THUMPD2: variants seen among roughly 807,000 people sequenced by gnomAD.
THUMPD2 encodes the protein U6 snRNA (guanine-N(2))-methyltransferase THUMPD2.
In THUMPD2, 56 loss-of-function variants were observed where a neutral mutation model predicts 49.4. That is an observed-to-expected ratio of 1.13 (90% CI 0.91 to 1.41). The LOEUF (loss-of-function observed/expected upper bound fraction) is 1.41, where lower values mean the gene tolerates loss of function less well. Among genes scored for constraint, THUMPD2 ranks in the 40% most tolerant of loss-of-function variants. The pLI, the probability that THUMPD2 is intolerant of heterozygous loss-of-function variation, is 0.00. For synonymous variants in THUMPD2, 237 were observed against 205.2 expected (o/e 1.15, Z -1.32); for missense variants, 709 against 594.5 (o/e 1.19, Z -2.00).
Position 39,769,710 on chromosome 2 carries a change from C to A in THUMPD2, c.672G>T (p.Gln224His), listed in dbSNP as rs1558534781. The A allele has an allele frequency of 6.5e-7, 1 of 1,550,214 alleles. No individual in the cohort carries two copies. The highest frequency in any genetic ancestry group is 8.6e-7 in the Non-Finnish European group (1 of 1,156,624). Residue 224 changes from glutamine to histidine, a missense_variant and splice_region_variant, in exon 3 of 10, where the codon CAG becomes CAT. By Grantham distance (24) the Gln-to-His change is conservative (BLOSUM62 0). Coordinates refer to ENST00000505747, the MANE Select transcript of THUMPD2 (RefSeq NM_025264.5). Reference protein sequence around the residue: ...SGTIGKAFTAQEVGKVIGIAI... With the variant: ...SGTIGKAFTAHEVGKVIGIAI... ...ACTCCACTTTAGGATGCAAGCATAC[C>A]TGTGCAGTGAAGGCCTTTCCAATAG... is the stretch of plus-strand genomic sequence containing the variant.
chr2:39,750,070 G>T (rs901298084), intron 8 of THUMPD2, among the ~76,000 whole-genome samples: 8 of 152,216 alleles, frequency 5.3e-5, no homozygotes, highest in Middle Eastern at 3.2e-3. Context: ...ATGTGTGCAT[G>T]TATCTTTATT....
chr2:39,754,288 G>A (rs1050141807), intron 8 of THUMPD2, among the ~76,000 whole-genome samples: 33 of 152,176 alleles, frequency 2.2e-4, no homozygotes, highest in Admixed American at 4.6e-4. Context: ...CCTGCACAGA[G>A]TCCTATTAAA....
intron 8 of THUMPD2, among the ~76,000 whole-genome samples, chr2:39,745,053 TTTC>T (rs1674389017): frequency 6.6e-6 from 1 of 152,156 alleles, no homozygotes; most frequent in South Asian, 2.1e-4. Flanking sequence ...ATCTTAATGT[TTTC>T]TTCTCAGAAG....
intron 5 of THUMPD2, among the ~76,000 whole-genome samples, chr2:39,765,589 T>G (rs1395270988): frequency 6.6e-6 from 1 of 152,166 alleles, no homozygotes; most frequent in Non-Finnish European, 1.5e-5. Context: ...TTTCCTACTT[T>G]TGTCTTGGTG....
chr2:39,756,927 A>G (rs1353153113), intron 6 of THUMPD2, among the ~76,000 whole-genome samples: 2 of 146,266 alleles, frequency 1.4e-5, no homozygotes, highest in Non-Finnish European at 3.0e-5. Context: ...AATAATAATA[A>G]TAATAATAAT....
intron 1 of THUMPD2, among the ~76,000 whole-genome samples, chr2:39,778,353 C>T (rs1679390014): frequency 6.6e-6 from 1 of 152,246 alleles, no homozygotes; most frequent in Non-Finnish European, 1.5e-5. Flanking sequence ...CGACTCCAAC[C>T]TTTCACTGCA....
At chr2:39,741,978 T>C (rs1414164225) in intron 9 of THUMPD2, among the ~76,000 whole-genome samples, 1 of 152,198 alleles carries the variant, frequency 6.6e-6, no homozygotes, top group Non-Finnish European at 1.5e-5. Context: ...GAGTAAGTTC[T>C]AGGTGGCCAG....
intron 8 of THUMPD2, among the ~76,000 whole-genome samples, chr2:39,750,871 TC>T (rs1270749883): frequency 7.2e-5 from 11 of 152,340 alleles, no homozygotes; most frequent in Admixed American, 1.3e-4. Flanking sequence ...TCATCAGCTG[TC>T]TTAAGAAATA....
intron 9 of THUMPD2, 60 bp downstream of exon 9, chr2:39,744,310 T>C: frequency 1.1e-6 from 1 of 925,296 alleles, no homozygotes; most frequent in South Asian, 1.8e-5. Flanking sequence ...AGAGCTATGA[T>C]GTATTTCGGT....
chr2:39,765,664 TTCTG>T (rs1434310049), intron 5 of THUMPD2, among the ~76,000 whole-genome samples: 2 of 152,038 alleles, frequency 1.3e-5, no homozygotes, highest in Non-Finnish European at 2.9e-5. Flanking sequence ...TCTCCACCCT[TTCTG>T]TCTTTAAAAT....
chr2:39,770,101 AT>A lies in THUMPD2; in HGVS notation c.280del (p.Met94CysfsTer5). ...TGGATCTTCATTTATAAGTCTTTGC[AT>A]TTCATTAAATATTTTTCCTAAATAA... ...SVSKGKIFNE[M>X]QRLINEDPGS... On this transcript the variant is annotated frameshift_variant, in exon 3 of 10. Transcript: ENST00000505747. LOFTEE classifies it high-confidence loss of function. The A allele has an allele frequency of 1.3e-6, 2 of 1,493,418 alleles. No homozygotes were observed. The highest frequency in any genetic ancestry group is 1.8e-6 in the Non-Finnish European group (2 of 1,131,216). The allele number at this position is 1,493,418 out of a possible 1,614,324, so 92.5% of individuals were successfully genotyped here.
intron 9 of THUMPD2, among the ~76,000 whole-genome samples, chr2:39,741,213 TG>T (rs1237236170): frequency 6.6e-6 from 1 of 152,162 alleles, no homozygotes; most frequent in East Asian, 1.9e-4. Flanking sequence ...TATGTGAACC[TG>T]AAAAACTAGG....
At chr2:39,762,132 G>T (rs940351012) in intron 5 of THUMPD2, among the ~76,000 whole-genome samples, 1 of 152,030 alleles carries the variant, frequency 6.6e-6, no homozygotes, top group African/African-American at 2.4e-5. Flanking sequence ...GAATCTCCTT[G>T]GAAATTACAA....
intron 8 of THUMPD2, among the ~76,000 whole-genome samples, chr2:39,747,505 T>G (rs1169998856): frequency 6.6e-6 from 1 of 152,200 alleles, no homozygotes; most frequent in African/African-American, 2.4e-5. Context: ...TGAACATTTC[T>G]GAGAAGAGAA....
At chr2:39,776,451 T>C (rs1241058491) in intron 1 of THUMPD2, among the ~76,000 whole-genome samples, 1 of 151,084 alleles carries the variant, frequency 6.6e-6, no homozygotes, top group Admixed American at 6.6e-5. Flanking sequence ...TGGAGTGCAG[T>C]GGCGCGATCT....
Position 39,736,975 on chromosome 2 carries a change from G to A in THUMPD2, c.1272C>T (p.Ile424=), listed in dbSNP as rs902311648. The A allele has an allele frequency of 6.2e-7, 1 of 1,613,982 alleles. No individual in the cohort carries two copies. The highest frequency in any genetic ancestry group is 1.3e-5 in the African/African-American group (1 of 74,972). ...TGTGACTGTCCTTGGAATTGAAAGG[G>A]ATGTTGCTCTCTTTACAATCTGTAA... ...RRLTDCKESN[I]PFNSKDSHTD... is the part of the protein sequence containing the mutation. Residue 424 remains isoleucine, a synonymous_variant, in exon 10 of 10, where the codon ATC becomes ATT. Transcript: ENST00000505747.
intron 4 of THUMPD2, among the ~76,000 whole-genome samples, chr2:39,767,285 A>G (rs1025239783): frequency 1.1e-4 from 16 of 152,228 alleles, no homozygotes; most frequent in African/African-American, 2.4e-5. Context: ...GATGGGGACG[A>G]GAAAGCCAGA....
At chr2:39,769,245 A>G (rs775219093) in intron 3 of THUMPD2, 10 of 373,400 alleles carry the variant, frequency 2.7e-5, no homozygotes, top group Non-Finnish European at 5.0e-5. Context: ...CATTACTTGG[A>G]ATGGCATACC....
chr2:39,771,753 TCTA>T, intron 1 of THUMPD2, 113 bp from the exon 2 acceptor site: 1 of 1,131,802 alleles, frequency 8.8e-7, no homozygotes, highest in Non-Finnish European at 1.2e-6. Context: ...TTCTGAAGTA[TCTA>T]CTATTTGTCA....
Sources: allele counts gnomAD v4.1 joint callset (sites outside exome capture counted in the v4.1 genomes callset), GRCh38; gene constraint gnomAD v4.1.1; transcripts MANE v1.5; gene names NCBI Gene and HGNC (gene_info 2026-07-23, HGNC 2026-07-21).